OOEP: variants seen among roughly 807,000 people sequenced by gnomAD.
The protein encoded by OOEP is oocyte expressed protein, also known as oocyte-expressed protein homolog.
A neutral mutation model predicts 13.7 loss-of-function variants in OOEP; 16 were observed. The observed-to-expected ratio is 1.16, with a 90% CI of 0.79 to 1.77. The LOEUF (loss-of-function observed/expected upper bound fraction) is 1.77, where lower values mean the gene tolerates loss of function less well. OOEP is among the 40% of genes most tolerant of loss of function. The pLI is 0.00. For synonymous variants in OOEP, 89 were observed against 77.1 expected, an observed-to-expected ratio of 1.15 and a Z score of -0.81; for missense variants, 195 against 193.1, an observed-to-expected ratio of 1.01 and a Z score of -0.06.
chr6:73,392,664 G>C (rs568025412), intron 2 of OOEP, among the ~76,000 whole-genome samples: 3 of 108,712 alleles, frequency 2.8e-5, no homozygotes, highest in Non-Finnish European at 5.1e-5. Flanking sequence ...GGAGTCTCTC[G>C]CTCTGTCATC....
At chr6:73,371,489 C>G (rs1769053771), upstream of OOEP, among the ~76,000 whole-genome samples, 1 of 151,980 alleles carries the variant, frequency 6.6e-6, no homozygotes, top group Non-Finnish European at 1.5e-5. Context: ...TCACTCATGC[C>G]TGTAATCCCA....
intron 2 of OOEP, among the ~76,000 whole-genome samples, chr6:73,379,638 CAAAAA>C (rs370843381): frequency 2.8e-4 from 5 of 17,760 alleles, no homozygotes; most frequent in South Asian, 3.4e-3. Context: ...GACTCTATCT[CAAAAA>C]AAAAAAAAAA....
At chr6:73,377,292 C>T (rs533450627) in intron 2 of OOEP, among the ~76,000 whole-genome samples, 159 of 152,252 alleles carry the variant, frequency 1.0e-3, no homozygotes, top group Non-Finnish European at 2.1e-3. Context: ...CTCAAGACCC[C>T]TTTTAAATGT....
At chr6:73,369,448 G>A in intron 1 of OOEP, 63 bp from the exon 2 acceptor site, 1 of 1,550,630 alleles carries the variant, frequency 6.4e-7, no homozygotes, top group South Asian at 1.2e-5. Context: ...TGGATTTGAA[G>A]GGAATGTTGG....
At chr6:73,390,518 C>T (rs1769332419) in intron 2 of OOEP, among the ~76,000 whole-genome samples, 2 of 150,988 alleles carry the variant, frequency 1.3e-5, no homozygotes, top group South Asian at 4.2e-4. Flanking sequence ...AGTTATTCTA[C>T]TTTATTATTT....
chr6:73,376,737 C>T (rs1311899658), intron 2 of OOEP, among the ~76,000 whole-genome samples: 1 of 152,112 alleles, frequency 6.6e-6, no homozygotes, highest in African/African-American at 2.4e-5. Context: ...CCGCAACCTC[C>T]ACCTCCCAGG....
At chr6:73,394,883 C>T (rs373716420) in exon 1 of OOEP, 7 of 1,611,946 alleles carry the variant, frequency 4.3e-6, no homozygotes, top group East Asian at 4.5e-5. Context: ...GCAACGACGT[C>T]GGACGCGCCC....
chr6:73,389,135 G>A (rs904558144), intron 2 of OOEP, among the ~76,000 whole-genome samples: 1 of 152,224 alleles, frequency 6.6e-6, no homozygotes, highest in Non-Finnish European at 1.5e-5. Context: ...GGAGCTTTGA[G>A]GAAGCCAGAG....
At chr6:73,390,681 A>G (rs1425364108) in intron 2 of OOEP, among the ~76,000 whole-genome samples, 1 of 150,888 alleles carries the variant, frequency 6.6e-6, no homozygotes, top group African/African-American at 2.4e-5. Context: ...GGTTCAGGCA[A>G]TTCTCCTGCC....
upstream of OOEP, chr6:73,373,017 C>G (rs1489527252): frequency 3.9e-5 from 42 of 1,063,662 alleles, no homozygotes; most frequent in Non-Finnish European, 4.6e-5. Flanking sequence ...GTCGAAATCT[C>G]CAGATAGTGG....
intron 2 of OOEP, among the ~76,000 whole-genome samples, chr6:73,380,357 C>T (rs1403579555): frequency 6.6e-6 from 1 of 151,084 alleles, no homozygotes; most frequent in Non-Finnish European, 1.5e-5. Context: ...AAGCGATTCT[C>T]TCATCTCAGC....
chr6:73,376,246 TTTTG>T (rs531630167), intron 2 of OOEP, among the ~76,000 whole-genome samples: 17 of 152,084 alleles, frequency 1.1e-4, no homozygotes, highest in Non-Finnish European at 1.3e-4. Flanking sequence ...TATTTTTTAA[TTTTG>T]TTTTTCTTTT....
In OOEP at chr6:73,379,189, T is replaced by C. The variant is rs560900566; in HGVS notation, c.26-9804A>G. ...ACAGGCGTGCGCCACCACGTCCAGC[T>C]AATTTTTATGCTTTTGTAGAGACAG... On this transcript the variant is annotated intron_variant, in intron 2 of 3. Transcript: ENST00000370363. Among the ~76,000 whole-genome samples, 60 of 151,700 alleles carry C rather than the reference T, an allele frequency of 4.0e-4. 3 individuals are homozygous for C. The South Asian group carries it at 9.0e-3, about 23-fold the overall frequency.
At chr6:73,394,775 G>GC in exon 1 of OOEP, 1 of 1,347,064 alleles carries the variant, frequency 7.4e-7, no homozygotes, top group Non-Finnish European at 1.0e-6. Flanking sequence ...GCGTGGGCGG[G>GC]GGGGCTAGCC....
At chr6:73,386,978 A>G (rs1451508290) in intron 2 of OOEP, among the ~76,000 whole-genome samples, 2 of 52,160 alleles carry the variant, frequency 3.8e-5, no homozygotes, top group African/African-American at 1.1e-4. Flanking sequence ...TCCATCTCAG[A>G]AAAAAAAAAA....
In OOEP at chr6:73,369,229, A is replaced by G; in HGVS notation, c.347T>C (p.Phe116Ser). 1 of 1,612,732 alleles carries G rather than the reference A, an allele frequency of 6.2e-7. No individual in the cohort carries two copies. Among genetic ancestry groups the G allele is most frequent in the Non-Finnish European group, 8.5e-7 (1 of 1,179,442 alleles). ...ACCTCGGGCACGATGTTCTCGGTGAAACCATGCCAGGCACAGGAGCATGCT... is the reference window on the plus strand; with the variant it reads ...ACCTCGGGCACGATGTTCTCGGTGAGACCATGCCAGGCACAGGAGCATGCT... ...VKSMLLCLAW[F>S]HREHRARAEK... Residue 116 changes from phenylalanine (F) to serine (S), a missense_variant, in exon 2 of 3, where the codon TTT (phenylalanine) becomes TCT (serine). Coordinates refer to ENST00000370359, the MANE Select transcript of OOEP (RefSeq NM_001080507.3).
chr6:73,379,414 C>A (rs775790468), intron 2 of OOEP, among the ~76,000 whole-genome samples: 80 of 151,194 alleles, frequency 5.3e-4, no homozygotes, highest in Non-Finnish European at 1.1e-3. Flanking sequence ...GAGGCCAAGG[C>A]GGGTGGATCA....
At chr6:73,380,781 A>G (rs775892608) in intron 2 of OOEP, among the ~76,000 whole-genome samples, 2 of 152,198 alleles carry the variant, frequency 1.3e-5, no homozygotes, top group Non-Finnish European at 2.9e-5. Context: ...ATTGTGATTT[A>G]TCTACACATT....
chr6:73,378,412 C>G (rs555280586), intron 2 of OOEP, among the ~76,000 whole-genome samples: 1 of 152,012 alleles, frequency 6.6e-6, no homozygotes, highest in Non-Finnish European at 1.5e-5. Context: ...GCTACAAACT[C>G]TAAGATCATC....
Sources: gnomAD v4.1 joint callset for allele counts (sites outside exome capture counted in the v4.1 genomes callset) on GRCh38, gnomAD v4.1.1 for gene constraint, MANE v1.5 for transcripts, NCBI Gene and HGNC (gene_info 2026-07-23, HGNC 2026-07-21) for gene names.